FECH: variants seen among roughly 807,000 people sequenced by gnomAD.
FECH encodes ferrochelatase, mitochondrial.
A neutral mutation model predicts 56.9 loss-of-function variants in FECH; 40 were observed. That is an observed-to-expected ratio of 0.70 (90% CI 0.55 to 0.92). The LOEUF (loss-of-function observed/expected upper bound fraction) is 0.92, where lower values mean the gene tolerates loss of function less well. Ranked by LOEUF, FECH falls within the 40% of genes least tolerant of loss-of-function variation. FECH has a pLI of 0.00. For synonymous variants in FECH, 175 were observed against 198.6 expected, an observed-to-expected ratio of 0.88 and a Z score of 1.00; for missense variants, 431 against 529.1, an observed-to-expected ratio of 0.81 and a Z score of 1.82.
rs137955859 is a variant in FECH at position 57,547,583 on chromosome 18, G to A, written c.*3129C>T. Among the ~76,000 whole-genome samples, 90 of 152,200 alleles carry A rather than the reference G, an allele frequency of 5.9e-4. 2 individuals carry two copies. The East Asian group carries it at 0.015, about 26-fold the overall frequency. ...TAAGGCTTCCTCAGAAAGCCGAACCGAGTCAATTAAACCTCTTTCCTTTGT... is the reference window on the plus strand; with the variant it reads ...TAAGGCTTCCTCAGAAAGCCGAACCAAGTCAATTAAACCTCTTTCCTTTGT... On this transcript the variant is annotated 3_prime_UTR_variant, in exon 11 of 11. Transcript: ENST00000262093.
At chr18:57,579,657 G>C (rs1459061111) in intron 2 of FECH, among the ~76,000 whole-genome samples, 2 of 152,172 alleles carry the variant, frequency 1.3e-5, no homozygotes, top group African/African-American at 4.8e-5. Context: ...CGTTCACTGT[G>C]TTAAGGGATG....
intron 7 of FECH, among the ~76,000 whole-genome samples, chr18:57,556,794 C>T (rs1226963726): frequency 1.3e-5 from 2 of 151,202 alleles, no homozygotes; most frequent in Admixed American, 1.3e-4. Flanking sequence ...ACCTGTAGTC[C>T]CAGTCACTCG....
At chr18:57,554,747 C>A in intron 8 of FECH, 98 bp downstream of exon 8, 1 of 978,118 alleles carries the variant, frequency 1.0e-6, no homozygotes, top group Non-Finnish European at 1.6e-6. Flanking sequence ...TATGGAAGAG[C>A]CTGACCATGT....
intron 10 of FECH, 44 bp downstream of exon 10, chr18:57,551,271 C>G: frequency 7.3e-7 from 1 of 1,376,182 alleles, no homozygotes; most frequent in Non-Finnish European, 1.0e-6. Flanking sequence ...CAGAGGATTA[C>G]TCTCTGGTAT....
intron 1 of FECH, among the ~76,000 whole-genome samples, chr18:57,581,043 C>A (rs1290097770): frequency 6.6e-6 from 1 of 152,166 alleles, no homozygotes; most frequent in Admixed American, 6.5e-5. Context: ...TGAGGCTCCC[C>A]ACAAGGCCAG....
intron 6 of FECH, among the ~76,000 whole-genome samples, chr18:57,562,128 T>G (rs1250839915): frequency 2.0e-5 from 3 of 152,156 alleles, no homozygotes; most frequent in African/African-American, 7.2e-5. Context: ...AAAAATAAAA[T>G]GGATCAAATC....
intron 6 of FECH, among the ~76,000 whole-genome samples, chr18:57,560,846 T>C (rs2050935101): frequency 1.3e-5 from 2 of 152,198 alleles, no homozygotes; most frequent in South Asian, 4.1e-4. Flanking sequence ...CAGTGGTCAG[T>C]GAAAACTATG....
chr18:57,580,156 C>T lies in FECH; in HGVS notation c.111G>A (p.Lys37=), dbSNP rs777834253. The change falls in exon 2 of 11, where the codon AAG becomes AAA. Residue 37 remains lysine, a synonymous_variant. Coordinates refer to ENST00000262093, the MANE Select transcript of FECH (RefSeq NM_000140.5). ...TGACGGCCGCTGCAGCTGCACCTGA[C>T]TTCCACCTCCATGGCTGACAGACCC... ...SWRVCQPWRW[K]SGAAAAAVTT... The T allele has an allele frequency of 3.1e-6, 5 of 1,614,098 alleles. 1 individual carries two copies. In the South Asian group the frequency reaches 5.5e-5, roughly 18 times the overall value.
In FECH at chr18:57,550,595, G is replaced by GTA; in HGVS notation, c.*115_*116dup. On this transcript the variant is annotated 3_prime_UTR_variant, in exon 11 of 11. Coordinates refer to ENST00000262093, the MANE Select transcript of FECH (RefSeq NM_000140.5). ...ACCACACAATTTGTACCCAAAGGCT[G>GTA]TATATATATCAAGGAAGGATGACTT... is the stretch of plus-strand genomic sequence containing the variant. The GTA allele has an allele frequency of 7.6e-7, 1 of 1,319,170 alleles. No individual in the cohort carries two copies. The highest frequency in any genetic ancestry group is 1.2e-5 in the South Asian group (1 of 80,566). 81.7% of individuals were successfully genotyped at this position (1,319,170 alleles called of 1,614,324 possible).
At chr18:57,564,917 CCA>C (rs1490478599) in intron 5 of FECH, among the ~76,000 whole-genome samples, 1 of 152,162 alleles carries the variant, frequency 6.6e-6, no homozygotes, top group East Asian at 1.9e-4. Flanking sequence ...ACTGGCTCTG[CCA>C]CAATAGTGCC....
chr18:57,586,655 C>A lies in FECH; in HGVS notation c.-35G>T. 1 of 1,487,608 alleles carries A rather than the reference C, an allele frequency of 6.7e-7. No homozygotes were observed. Among genetic ancestry groups the A allele is most frequent in the South Asian group, 1.3e-5 (1 of 79,672 alleles). 92.2% of individuals were successfully genotyped at this position (1,487,608 alleles called of 1,614,324 possible). ...AGCCTCGGCCCGAGTCCGGGCTCCT[C>A]CCGCGGCGGCGCGCCCAGGTGTCCG... is the stretch of plus-strand genomic sequence containing the variant. On this transcript the variant is annotated 5_prime_UTR_variant, in exon 1 of 11. Coordinates refer to ENST00000262093, the MANE Select transcript of FECH (RefSeq NM_000140.5).
chr18:57,580,775 A>C (rs2051267161), intron 1 of FECH, among the ~76,000 whole-genome samples: 1 of 151,972 alleles, frequency 6.6e-6, no homozygotes, highest in South Asian at 2.1e-4. Flanking sequence ...CTCTACCACC[A>C]AGGAGACATG....
At chr18:57,562,377 TAGA>T (rs2050956350) in intron 6 of FECH, among the ~76,000 whole-genome samples, 1 of 152,190 alleles carries the variant, frequency 6.6e-6, no homozygotes, top group Non-Finnish European at 1.5e-5. Context: ...ATAAATTGCA[TAGA>T]AGAAATATGA....
chr18:57,579,245 CAAA>C (rs1314538554), intron 2 of FECH, among the ~76,000 whole-genome samples: 1 of 114,824 alleles, frequency 8.7e-6, no homozygotes, highest in Non-Finnish European at 1.7e-5. Context: ...GAGACTCTCT[CAAA>C]AAAAAAAAAA....
In FECH at chr18:57,559,211, G is replaced by A. The variant is rs1006763062; in HGVS notation, c.738C>T (p.Asp246=). Residue 246 remains aspartate (D), a synonymous_variant, in exon 7 of 11, where the codon GAC becomes GAT. Coordinates refer to ENST00000262093, the MANE Select transcript of FECH (RefSeq NM_000140.5). ...CFADHILKEL[D]HFPLEKRSEV... is the part of the protein sequence containing the mutation. Reference sequence around the variant, plus strand: ...CGCTTCTCTTCTCAAGTGGAAAATGGTCCAGTTCCTTTAGAATATGATCTG... The same window carrying A: ...CGCTTCTCTTCTCAAGTGGAAAATGATCCAGTTCCTTTAGAATATGATCTG... 3 of 1,613,482 alleles carry A rather than the reference G, an allele frequency of 1.9e-6. No individual in the cohort carries two copies. The highest frequency in any genetic ancestry group is 1.7e-5 in the Admixed American group (1 of 59,992).
In FECH at chr18:57,551,327, T is replaced by C. The variant is rs1048121841; in HGVS notation, c.1125A>G (p.Pro375=). ...ACACTGTAGATACCTTAGAGAACAA[T>C]GGATTTCCATTAAGAGACTCAGCTC... ...IRRAESLNGN[P]LFSKALADLV... The change falls in exon 10 of 11, where the codon CCA becomes CCG. Residue 375 remains proline (P), a synonymous_variant. Transcript: ENST00000262093. 2 of 1,611,560 alleles carry C rather than the reference T, an allele frequency of 1.2e-6. No homozygotes were observed. The highest frequency in any genetic ancestry group is 2.7e-5 in the African/African-American group (2 of 74,862).
At chr18:57,556,625 G>A (rs1034770388) in intron 7 of FECH, among the ~76,000 whole-genome samples, 6 of 152,196 alleles carry the variant, frequency 3.9e-5, no homozygotes, top group Middle Eastern at 3.4e-3. Flanking sequence ...AAATATCAAC[G>A]TGTGGTGGGG....
intron 4 of FECH, among the ~76,000 whole-genome samples, chr18:57,569,336 C>T (rs1000725254): frequency 7.9e-5 from 12 of 152,132 alleles, no homozygotes; most frequent in African/African-American, 2.9e-4. Context: ...GTGCAAGTCT[C>T]AAAACGTCCA....
chr18:57,559,369 C>T, intron 6 of FECH, 126 bp from the exon 7 acceptor site: 1 of 694,858 alleles, frequency 1.4e-6, no homozygotes, highest in Non-Finnish European at 2.5e-6. Context: ...TCCGAACTCT[C>T]TTTTTTAAAA....
Sources: gnomAD v4.1 joint callset for allele counts (sites outside exome capture counted in the v4.1 genomes callset) on GRCh38, gnomAD v4.1.1 for gene constraint, MANE v1.5 for transcripts, NCBI Gene and HGNC (gene_info 2026-07-23, HGNC 2026-07-21) for gene names.